MAGI2: variants seen among roughly 807,000 people sequenced by gnomAD.
MAGI2 encodes membrane associated guanylate kinase, WW and PDZ domain containing 2.
MAGI2 carries 35 observed loss-of-function variants against 133.3 expected under a neutral mutation model. The observed-to-expected ratio is 0.26, with a 90% CI of 0.20 to 0.35. MAGI2 has a LOEUF of 0.35. Ranked by LOEUF, MAGI2 falls within the 10% of genes least tolerant of loss-of-function variation. The pLI is 1.00. For synonymous variants in MAGI2, 729 were observed against 710.6 expected (o/e 1.03, Z -0.41); for missense variants, 1,636 against 1,863.4 (o/e 0.88, Z 2.25).
intron 9 of MAGI2, among the ~76,000 whole-genome samples, chr7:78,267,533 G>A (rs1363244110): frequency 1.3e-5 from 2 of 152,072 alleles, no homozygotes; most frequent in Non-Finnish European, 2.9e-5. Flanking sequence ...CCTGTTCATT[G>A]GGCCATATAC....
chr7:79,019,379 C>T (rs1289831443), intron 1 of MAGI2, among the ~76,000 whole-genome samples: 1 of 152,032 alleles, frequency 6.6e-6, no homozygotes, highest in African/African-American at 2.4e-5. Context: ...GATGTTTCCC[C>T]TTTCATTCAG....
Position 78,895,711 on chromosome 7 carries a change from T to C in MAGI2, c.418+111379A>G, listed in dbSNP as rs563883338. On this transcript the variant is annotated intron_variant, in intron 2 of 21. Coordinates refer to ENST00000354212, the MANE Select transcript of MAGI2 (RefSeq NM_012301.4). ...CACAGAGCATTATTTGCTGTAAATA[T>C]CTGCATATTCAAAAGGTTGAGAGAG... 3.2e-4 allele frequency among the ~76,000 whole-genome samples: 48 copies of C among 152,296 alleles called. 2 individuals are homozygous for C.
At chr7:79,099,575 C>T (rs566485442) in intron 1 of MAGI2, among the ~76,000 whole-genome samples, 1 of 152,236 alleles carries the variant, frequency 6.6e-6, no homozygotes, top group East Asian at 1.9e-4. Context: ...TTTCACCACT[C>T]AGGTAATAAA....
chr7:78,951,936 T>C (rs1450984634), intron 2 of MAGI2, among the ~76,000 whole-genome samples: 1 of 152,142 alleles, frequency 6.6e-6, no homozygotes, highest in Non-Finnish European at 1.5e-5. Flanking sequence ...TCTTCTAATA[T>C]CCTAACATTT....
At chr7:78,322,934 T>C (rs1584873098) in intron 9 of MAGI2, among the ~76,000 whole-genome samples, 2 of 152,188 alleles carry the variant, frequency 1.3e-5, no homozygotes, top group East Asian at 1.9e-4. Flanking sequence ...AGGTGAAGAA[T>C]GCTGCCTTGT....
At chr7:78,658,777 C>T (rs1011437553) in intron 2 of MAGI2, among the ~76,000 whole-genome samples, 1 of 152,240 alleles carries the variant, frequency 6.6e-6, no homozygotes, top group African/African-American at 2.4e-5. Flanking sequence ...TACTATACAC[C>T]TATCACGACA....
At chr7:78,156,481 T>G (rs924742327) in intron 16 of MAGI2, among the ~76,000 whole-genome samples, 1 of 151,880 alleles carries the variant, frequency 6.6e-6, no homozygotes, top group Non-Finnish European at 1.5e-5. Context: ...AGGGATGATA[T>G]CTAGATAGCA....
chr7:79,074,731 ATGT>A (rs1815311281), intron 1 of MAGI2, among the ~76,000 whole-genome samples: 1 of 152,340 alleles, frequency 6.6e-6, no homozygotes, highest in Non-Finnish European at 1.5e-5. Context: ...TGATCAATAC[ATGT>A]TGTCGGAAAG....
chr7:78,162,238 A>G (rs1034352637), intron 15 of MAGI2, among the ~76,000 whole-genome samples: 1 of 152,134 alleles, frequency 6.6e-6, no homozygotes, highest in Non-Finnish European at 1.5e-5. Flanking sequence ...GTAAGTCAGC[A>G]AGAAAGAAGA....
At chr7:78,176,950 CAT>C (rs1554487272) in intron 14 of MAGI2, among the ~76,000 whole-genome samples, 14 of 147,246 alleles carry the variant, frequency 9.5e-5, no homozygotes, top group East Asian at 4.0e-4. Context: ...CACACACACA[CAT>C]ATATAGTATA....
At chr7:78,676,950 A>G (rs1322848283) in intron 2 of MAGI2, among the ~76,000 whole-genome samples, 2 of 152,258 alleles carry the variant, frequency 1.3e-5, no homozygotes, top group East Asian at 1.9e-4. Flanking sequence ...TACTCATGAC[A>G]GGGGATGAAA....
chr7:78,310,266 C>G (rs982756145), intron 9 of MAGI2, among the ~76,000 whole-genome samples: 1 of 151,982 alleles, frequency 6.6e-6, no homozygotes, highest in Non-Finnish European at 1.5e-5. Context: ...GAAACCCCGT[C>G]TCTACTAAAA....
intron 2 of MAGI2, among the ~76,000 whole-genome samples, chr7:78,853,332 C>CTTT (rs60580466): frequency 0.025 from 627 of 25,082 alleles, 223 homozygotes; most frequent in Non-Finnish European, 0.029. Flanking sequence ...TCCATTCGTT[C>CTTT]TTTTTTTTTT....
At chr7:79,281,887 G>A (rs1219208058) in intron 1 of MAGI2, among the ~76,000 whole-genome samples, 3 of 151,896 alleles carry the variant, frequency 2.0e-5, no homozygotes, top group Non-Finnish European at 4.4e-5. Flanking sequence ...AAATTAATCA[G>A]CTTCCCACTT....
intron 21 of MAGI2, among the ~76,000 whole-genome samples, chr7:78,052,486 G>A (rs923302003): frequency 4.6e-5 from 7 of 152,156 alleles, no homozygotes; most frequent in African/African-American, 7.2e-5. Flanking sequence ...GCAGAACCAC[G>A]AGCCAAATAA....
chr7:79,310,939 C>T (rs536868215), intron 1 of MAGI2, among the ~76,000 whole-genome samples: 8 of 95,850 alleles, frequency 8.3e-5, no homozygotes, highest in African/African-American at 2.1e-4. Context: ...CTTTAAAACA[C>T]ACACACATGC....
intron 1 of MAGI2, among the ~76,000 whole-genome samples, chr7:79,136,003 G>GAAAGAGAGAGAAAGAA (rs749343638): frequency 2.4e-5 from 1 of 40,890 alleles, no homozygotes; most frequent in Admixed American, 2.9e-4. Context: ...AAGAAAGAAA[G>GAAAGAGAGAGAAAGAA]AGAAAGAAAG....
chr7:78,142,439 GT>G (rs531930098), intron 16 of MAGI2, among the ~76,000 whole-genome samples: 60 of 152,140 alleles, frequency 3.9e-4, no homozygotes, highest in African/African-American at 1.2e-3. Flanking sequence ...TTCTCTGTGG[GT>G]GCATTTTCCA....
intron 4 of MAGI2, among the ~76,000 whole-genome samples, chr7:78,512,860 T>C (rs1795722604): frequency 6.6e-6 from 1 of 152,300 alleles, no homozygotes; most frequent in Admixed American, 6.5e-5. Flanking sequence ...AAATTCAAAG[T>C]CTGTGGGTAG....
Sources: gnomAD v4.1 joint callset for allele counts (sites outside exome capture counted in the v4.1 genomes callset) on GRCh38, gnomAD v4.1.1 for gene constraint, MANE v1.5 for transcripts, NCBI Gene and HGNC (gene_info 2026-07-23, HGNC 2026-07-21) for gene names.